The following ENOX2 variants were observed in gnomAD, a reference collection of about 807,000 sequenced individuals.
ENOX2 encodes APK1 antigen.
A neutral mutation model predicts 45.0 loss-of-function variants in ENOX2; 36 were observed. The observed-to-expected ratio is 0.80, with a 90% CI of 0.61 to 1.06. The LOEUF (loss-of-function observed/expected upper bound fraction) is 1.06, where lower values mean the gene tolerates loss of function less well. Ranked by LOEUF, ENOX2 falls within the 50% of genes least tolerant of loss-of-function variation. The probability of loss-of-function intolerance (pLI) is 0.00; values close to 1 mark genes in which losing one functional copy is unlikely to be tolerated. For synonymous variants in ENOX2, 174 were observed against 152.3 expected, an observed-to-expected ratio of 1.14 and a Z score of -1.05; for missense variants, 423 against 462.5, an observed-to-expected ratio of 0.91 and a Z score of 0.78.
At chrX:130,755,927 GA>G (rs2039343697) in intron 3 of ENOX2, among the ~76,000 whole-genome samples, 1 of 110,434 alleles carries the variant, frequency 9.1e-6, no homozygotes, top group Non-Finnish European at 1.9e-5. Flanking sequence ...CTATCTTCAT[GA>G]GCATGAGTTC....
At chrX:130,771,001 A>C (rs899645552) in intron 3 of ENOX2, among the ~76,000 whole-genome samples, 5 of 112,210 alleles carry the variant, frequency 4.5e-5, no homozygotes, top group Non-Finnish European at 7.5e-5. Context: ...GGAATAATTT[A>C]AGTATCCATC....
In ENOX2 at chrX:130,646,207, T is replaced by A. The variant is rs765481249; in HGVS notation, c.1130-8797A>T. 16 of 470,212 alleles carry A rather than the reference T, an allele frequency of 3.4e-5. No individual in the cohort carries two copies. In the African/African-American group the frequency reaches 3.8e-4, roughly 11 times the overall value. The allele number at this position is 470,212 out of a possible 1,213,427, so 38.8% of individuals were successfully genotyped here. Reference sequence around the variant, plus strand: ...CCTCTCCATGGCAGTCAAAGATCACTTGGAATTGTGCCTGGTCAAATGCAG... The same window carrying A: ...CCTCTCCATGGCAGTCAAAGATCACATGGAATTGTGCCTGGTCAAATGCAG... On this transcript the variant is annotated intron_variant, in intron 10 of 14. Coordinates refer to ENST00000394363, the MANE Select transcript of ENOX2 (RefSeq NM_006375.4).
At chrX:130,713,411 A>G (rs768995610) in intron 3 of ENOX2, among the ~76,000 whole-genome samples, 1 of 111,588 alleles carries the variant, frequency 9.0e-6, no homozygotes, top group South Asian at 3.8e-4. Context: ...AGAATAGGTT[A>G]AGGTTGGACC....
intron 3 of ENOX2, among the ~76,000 whole-genome samples, chrX:130,745,822 G>A (rs1336731956): frequency 8.9e-6 from 1 of 112,041 alleles, no homozygotes; most frequent in Non-Finnish European, 1.9e-5. Context: ...CTGCTGTATA[G>A]ATAGTCGTCT....
chrX:130,822,067 CAAAAA>C (rs759582186), intron 2 of ENOX2, among the ~76,000 whole-genome samples: 5 of 19,131 alleles, frequency 2.6e-4, no homozygotes, highest in Non-Finnish European at 4.4e-4. Context: ...GACTCCGTCT[CAAAAA>C]AAAAAAAAAA....
intron 2 of ENOX2, among the ~76,000 whole-genome samples, chrX:130,824,200 T>C (rs1264243768): frequency 8.9e-6 from 1 of 111,873 alleles, no homozygotes; most frequent in Admixed American, 9.5e-5. Context: ...TTCCTTTTTA[T>C]TGCAGAAAAA....
intron 10 of ENOX2, among the ~76,000 whole-genome samples, chrX:130,651,791 A>C (rs1366209472): frequency 1.8e-5 from 2 of 111,961 alleles, no homozygotes; most frequent in Non-Finnish European, 3.8e-5. Flanking sequence ...AGCCTGGGCT[A>C]CCTATATTCT....
At chrX:130,787,189 A>G (rs919976262) in intron 2 of ENOX2, among the ~76,000 whole-genome samples, 7 of 111,526 alleles carry the variant, frequency 6.3e-5, no homozygotes, top group South Asian at 3.8e-4. Flanking sequence ...AAACAGAAAA[A>G]CTTTTTATTT....
rs759162922 is a variant in ENOX2, at chrX:130,637,210, A to G, written c.1311+19T>C. ...GATGCTATTCTACCCAGAAGCTCAGAAAACCAAAATGCCTTTACCTGTTGC... is the reference window on the plus strand; with the variant it reads ...GATGCTATTCTACCCAGAAGCTCAGGAAACCAAAATGCCTTTACCTGTTGC... On this transcript the variant is annotated intron_variant, in intron 11 of 14. Coordinates refer to ENST00000394363, the MANE Select transcript of ENOX2 (RefSeq NM_006375.4). 2 of 1,208,096 alleles carry G rather than the reference A, an allele frequency of 1.7e-6. No individual in the cohort carries two copies. The highest frequency in any genetic ancestry group is 2.2e-5 in the Admixed American group (1 of 46,080).
chrX:130,902,874 C>A (rs1347645721), intron 1 of ENOX2, among the ~76,000 whole-genome samples, 175 bp downstream of exon 1: 1 of 107,389 alleles, frequency 9.3e-6, no homozygotes, highest in Non-Finnish European at 1.9e-5. Flanking sequence ...AGAACTGGCG[C>A]CTAGAGCTCA....
At chrX:130,897,661 C>G (rs2079079697) in intron 2 of ENOX2, among the ~76,000 whole-genome samples, 2 of 111,777 alleles carry the variant, frequency 1.8e-5, no homozygotes, top group East Asian at 5.6e-4. Flanking sequence ...CTATTATGTG[C>G]CTGCCACTGG....
chrX:130,793,893 G>C (rs886279313), intron 2 of ENOX2, among the ~76,000 whole-genome samples: 2 of 112,315 alleles, frequency 1.8e-5, no homozygotes, highest in Admixed American at 9.4e-5. Context: ...ATGTTGATTT[G>C]ATAGAACAGT....
intron 9 of ENOX2, among the ~76,000 whole-genome samples, chrX:130,662,948 T>A (rs765575795): frequency 1.8e-5 from 2 of 111,945 alleles, no homozygotes; most frequent in African/African-American, 6.5e-5. Flanking sequence ...TGGAAAGTCA[T>A]GCTGGTCATG....
intron 4 of ENOX2, among the ~76,000 whole-genome samples, chrX:130,694,941 A>G (rs2037716033): frequency 9.0e-6 from 1 of 111,466 alleles, no homozygotes; most frequent in South Asian, 3.8e-4. Context: ...GGTTTTATAC[A>G]CTGCATCTGA....
At chrX:130,728,537 A>AG (rs2038661772) in intron 3 of ENOX2, among the ~76,000 whole-genome samples, 2 of 111,514 alleles carry the variant, frequency 1.8e-5, no homozygotes, top group African/African-American at 6.5e-5. Flanking sequence ...CTCTAGGTGT[A>AG]GGGGCTGCTC....
chrX:130,791,467 C>A (rs1049349942), intron 2 of ENOX2, among the ~76,000 whole-genome samples: 2 of 111,960 alleles, frequency 1.8e-5, no homozygotes, highest in African/African-American at 6.5e-5. Flanking sequence ...GATTTTTCAA[C>A]TTTATGATGT....
At chrX:130,890,022 T>C (rs1023518693) in intron 2 of ENOX2, among the ~76,000 whole-genome samples, 7 of 112,820 alleles carry the variant, frequency 6.2e-5, no homozygotes, top group Non-Finnish European at 1.3e-4. Flanking sequence ...AAAGGCTGTA[T>C]TTCAGAATAG....
At chrX:130,632,310 A>G (rs2035769766) in intron 12 of ENOX2, among the ~76,000 whole-genome samples, 1 of 91,056 alleles carries the variant, frequency 1.1e-5, no homozygotes, top group Non-Finnish European at 2.0e-5. Flanking sequence ...AGCATTAGTA[A>G]TGGCCTTCTT....
intron 2 of ENOX2, among the ~76,000 whole-genome samples, chrX:130,888,049 G>A (rs2078936696): frequency 8.9e-6 from 1 of 111,950 alleles, no homozygotes; most frequent in South Asian, 3.7e-4. Flanking sequence ...ATTATTTTAA[G>A]GCAATTCTTC....
Sources: gnomAD v4.1 joint callset for allele counts (sites outside exome capture counted in the v4.1 genomes callset) on GRCh38, gnomAD v4.1.1 for gene constraint, MANE v1.5 for transcripts, NCBI Gene and HGNC (gene_info 2026-07-23, HGNC 2026-07-21) for gene names.